Variants in MAPK9 observed in about 807,000 individuals in gnomAD.
MAPK9 encodes the protein Jun kinase.
In MAPK9, 30 loss-of-function variants were observed where a neutral mutation model predicts 57.1. That is an observed-to-expected ratio of 0.53 (90% CI 0.39 to 0.71). The LOEUF (loss-of-function observed/expected upper bound fraction) is 0.71, where lower values mean the gene tolerates loss of function less well. Ranked by LOEUF, MAPK9 falls within the 30% of genes least tolerant of loss-of-function variation. The pLI, the probability that MAPK9 is intolerant of heterozygous loss-of-function variation, is 0.00. For synonymous variants in MAPK9, 155 were observed against 177.0 expected, an observed-to-expected ratio of 0.88 and a Z score of 0.99; for missense variants, 362 against 521.0, an observed-to-expected ratio of 0.69 and a Z score of 2.97.
Position 180,247,910 on chromosome 5 carries a change from G to T in MAPK9, c.617-400C>A, listed in dbSNP as rs376096901. The T allele has an allele frequency of 6.2e-7, 1 of 1,613,898 alleles. No homozygotes were observed. ...GGACCATTTCTGCCATGATGCACCC[G>T]ACAGACCAGATGTCCACTACCAAAC... On this transcript the variant is annotated intron_variant, in intron 6 of 11. Transcript: ENST00000452135. This position sits in a 1 kb window ranked among gnomAD's most constrained non-coding sequence, Gnocchi z 4.5.
rs1235134357 is a variant in MAPK9, at chr5:180,235,262, G to T, written c.*1122C>A. 4 of 152,186 alleles carry T rather than the reference G, an allele frequency of 2.6e-5. No homozygotes were observed. Among genetic ancestry groups the T allele is most frequent in the African/African-American group, 9.7e-5 (4 of 41,436 alleles). 9.4% of individuals were successfully genotyped at this position (152,186 alleles called of 1,614,324 possible). ...ACAATGGAGAGCAACAATAGCAACA[G>T]GCATCTGAATCAGCCTGGCCTCTGA... On this transcript the variant is annotated 3_prime_UTR_variant, in exon 12 of 12. Transcript: ENST00000452135.
chr5:180,274,541 A>G (rs1034088225), intron 2 of MAPK9, among the ~76,000 whole-genome samples: 7 of 152,210 alleles, frequency 4.6e-5, no homozygotes, highest in African/African-American at 1.7e-4. Flanking sequence ...CCTGACTGAA[A>G]GAGATCAAGA....
chr5:180,279,864 G>A (rs1281160754), intron 2 of MAPK9: 1 of 456,662 alleles, frequency 2.2e-6, no homozygotes, highest in Admixed American at 2.3e-5. Flanking sequence ...TTCAGGGTCA[G>A]ACTAACGATT....
At chr5:180,288,891 T>C (rs1010625245) in intron 1 of MAPK9, among the ~76,000 whole-genome samples, 4 of 152,230 alleles carry the variant, frequency 2.6e-5, no homozygotes, top group Non-Finnish European at 5.9e-5. Context: ...AGCAGGACAC[T>C]ATTCTGTTTA....
intron 5 of MAPK9, among the ~76,000 whole-genome samples, chr5:180,250,517 G>A (rs4147385): frequency 0.19 from 29,105 of 152,078 alleles, 2,941 homozygotes; most frequent in Non-Finnish European, 0.22. Flanking sequence ...AGGTTCAGTA[G>A]CACTGCCTAG....
intron 2 of MAPK9, among the ~76,000 whole-genome samples, chr5:180,274,140 CAA>C (rs1490087900): frequency 6.6e-6 from 1 of 152,040 alleles, no homozygotes; most frequent in Non-Finnish European, 1.5e-5. Context: ...TTTTTGTATA[CAA>C]GTCTTTCATA....
rs570023669 is a variant in MAPK9, at chr5:180,267,339, A to G, written c.252+1941T>C. Among the ~76,000 whole-genome samples the G allele has an allele frequency of 1.1e-4, 17 of 152,268 alleles. No homozygotes were observed. In the South Asian group the frequency reaches 3.5e-3, roughly 32 times the overall value. The stretch of plus-strand genomic sequence containing the variant: ...CACTTTGGGACGCCGAGGCAGGCAG[A>G]TCACGAGGTCAGGAGATCGAGACCA... On this transcript the variant is annotated intron_variant, in intron 3 of 11. Coordinates refer to ENST00000452135, the MANE Select transcript of MAPK9 (RefSeq NM_002752.5).
intron 2 of MAPK9, among the ~76,000 whole-genome samples, chr5:180,274,799 T>G (rs1001343385): frequency 2.0e-5 from 3 of 152,244 alleles, no homozygotes; most frequent in Admixed American, 2.0e-4. Flanking sequence ...TAATGTGTTA[T>G]GCAGCAATAG....
chr5:180,248,056 A>C (rs1758297299), intron 6 of MAPK9: 1 of 699,780 alleles, frequency 1.4e-6, no homozygotes, highest in Non-Finnish European at 2.4e-6. Flanking sequence ...TTGATACCAC[A>C]CCTCCTGAGC....
At chr5:180,268,825 T>C (rs1479079017) in intron 3 of MAPK9, among the ~76,000 whole-genome samples, 1 of 118,526 alleles carries the variant, frequency 8.4e-6, no homozygotes, top group Non-Finnish European at 1.8e-5. Context: ...AGACTCCGTC[T>C]CCAAAAAAAA....
At chr5:180,251,357 C>A (rs1460321927) in intron 5 of MAPK9, among the ~76,000 whole-genome samples, 1 of 152,202 alleles carries the variant, frequency 6.6e-6, no homozygotes, top group Non-Finnish European at 1.5e-5. Context: ...GTGGAACCAT[C>A]TCCACGGGCT....
chr5:180,243,222 G>T (rs1482396973), intron 7 of MAPK9, among the ~76,000 whole-genome samples: 2 of 152,190 alleles, frequency 1.3e-5, no homozygotes, highest in African/African-American at 4.8e-5. Context: ...TGGGAACCAA[G>T]CAACTGGGCT....
chr5:180,242,765 T>G lies in MAPK9; in HGVS notation c.689-10A>C. The G allele has an allele frequency of 6.2e-7, 1 of 1,605,226 alleles. No individual in the cohort carries two copies. The highest frequency in any genetic ancestry group is 8.5e-7 in the Non-Finnish European group (1 of 1,175,544). ...TTCCACTGATCAATATCTAAGGAGT[T>G]TCTTGAGGAAAATACAACTGAAGTA... On this transcript the variant is annotated splice_polypyrimidine_tract_variant and intron_variant, in intron 7 of 11. Transcript: ENST00000452135.
chr5:180,290,654 A>G (rs1314629981), intron 1 of MAPK9, among the ~76,000 whole-genome samples: 2 of 152,266 alleles, frequency 1.3e-5, no homozygotes, highest in Admixed American at 6.5e-5. Context: ...TAGCAATTAA[A>G]GGGGTCAAGG....
intron 1 of MAPK9, among the ~76,000 whole-genome samples, chr5:180,286,286 C>T (rs2127631733): frequency 6.8e-6 from 1 of 147,906 alleles, no homozygotes; most frequent in East Asian, 2.3e-4. Context: ...GCTGGGACTA[C>T]AGGCGCCCGC....
chr5:180,259,593 C>T (rs758386297), intron 5 of MAPK9, among the ~76,000 whole-genome samples: 2 of 152,152 alleles, frequency 1.3e-5, no homozygotes, highest in African/African-American at 2.4e-5. Flanking sequence ...TCTATGTAAA[C>T]ATGAAAAATT....
intron 7 of MAPK9, among the ~76,000 whole-genome samples, chr5:180,243,976 T>C (rs1248348709): frequency 6.6e-6 from 1 of 152,152 alleles, no homozygotes; most frequent in Non-Finnish European, 1.5e-5. Context: ...GCCTCCCAAG[T>C]AGCTGGGACT....
intron 3 of MAPK9, among the ~76,000 whole-genome samples, chr5:180,266,025 A>C (rs1760505707): frequency 6.6e-6 from 1 of 152,130 alleles, no homozygotes; most frequent in African/African-American, 2.4e-5. Flanking sequence ...GGGTGATAAA[A>C]AATCAGTATG....
chr5:180,277,472 A>G (rs546659549), intron 2 of MAPK9, among the ~76,000 whole-genome samples: 44 of 152,308 alleles, frequency 2.9e-4, no homozygotes, highest in African/African-American at 9.9e-4. Context: ...GACCCACCCA[A>G]CTAAACCTGG....
Sources: gnomAD v4.1 joint callset for allele counts (sites outside exome capture counted in the v4.1 genomes callset) on GRCh38, gnomAD v4.1.1 for gene constraint, Gnocchi (gnomAD v3.1) non-coding constraint, MANE v1.5 for transcripts, NCBI Gene and HGNC (gene_info 2026-07-23, HGNC 2026-07-21) for gene names.